Variants in TCN2 observed in about 807,000 individuals in gnomAD.
The protein encoded by TCN2 is transcobalamin-2.
Under a neutral mutation model 48.6 loss-of-function variants are expected in TCN2, and 34 were observed. The ratio of observed to expected loss-of-function variants is 0.70; its 90% confidence interval spans 0.53 to 0.93. The LOEUF is 0.93. TCN2 is among the 40% of genes least tolerant of loss of function. The pLI is 0.00. For synonymous variants in TCN2, 283 were observed against 212.5 expected (o/e 1.33, Z -2.89); for missense variants, 652 against 526.1 (o/e 1.24, Z -2.34).
intron 7 of TCN2, chr22:30,617,856 C>T (rs1179481194): frequency 2.8e-6 from 1 of 353,308 alleles, no homozygotes; most frequent in South Asian, 2.6e-5. Context: ...GTGGCATGTG[C>T]TTTTTATATG....
At chr22:30,622,313 C>T (rs920848492) in intron 7 of TCN2, among the ~76,000 whole-genome samples, 3 of 152,206 alleles carry the variant, frequency 2.0e-5, no homozygotes, top group African/African-American at 4.8e-5. Flanking sequence ...TAAGAGGCTT[C>T]CTGTGGCAGT....
At chr22:30,626,354 T>C in intron 8 of TCN2, 106 bp from the exon 9 acceptor site, 1 of 1,222,482 alleles carries the variant, frequency 8.2e-7, no homozygotes, top group Non-Finnish European at 1.2e-6. Context: ...AAGCCCCAGG[T>C]GGATTCTTAC....
chr22:30,610,204 T>C (rs1391277279), intron 1 of TCN2: 1 of 471,092 alleles, frequency 2.1e-6, no homozygotes, highest in Admixed American at 2.3e-5. Flanking sequence ...AGAGCTCATC[T>C]CACAATCTCA....
chr22:30,617,614 C>T (rs1188446485), intron 7 of TCN2, 119 bp downstream of exon 7: 10 of 1,295,110 alleles, frequency 7.7e-6, no homozygotes, highest in Non-Finnish European at 1.1e-5. Flanking sequence ...GGCCCTGCTT[C>T]TGCTTCTACC....
At chr22:30,607,464 A>G (rs1602039428) in intron 1 of TCN2, 69 bp downstream of exon 1, 2 of 1,573,952 alleles carry the variant, frequency 1.3e-6, no homozygotes, top group Middle Eastern at 1.7e-4. Flanking sequence ...AGGGCATAGG[A>G]TGAGGGAACT....
At position 30,626,541 on chromosome 22, in the gene TCN2, C is replaced by A; in HGVS notation, c.*20C>A. ...TGGTAGCCCCTGAGCTCCCTCATCC[C>A]AGCAGCCTCGCACACTCCCTAGGCT... On this transcript the variant is annotated 3_prime_UTR_variant, in exon 9 of 9. Transcript: ENST00000215838. 1.2e-6 allele frequency: 2 copies of A among 1,613,806 alleles called. No homozygotes were observed. The highest frequency in any genetic ancestry group is 2.2e-5 in the South Asian group (2 of 91,064).
intron 3 of TCN2, among the ~76,000 whole-genome samples, chr22:30,613,570 C>T (rs187224311): frequency 1.9e-4 from 29 of 152,276 alleles, no homozygotes; most frequent in African/African-American, 4.6e-4. Context: ...TGAGCCACTG[C>T]GTTAGGCCCA....
intron 2 of TCN2, among the ~76,000 whole-genome samples, chr22:30,611,459 A>G (rs1487456007): frequency 6.6e-6 from 1 of 152,164 alleles, no homozygotes; most frequent in African/African-American, 2.4e-5. Context: ...CCTCCCATGC[A>G]TGAGGCAGAC....
chr22:30,626,973 T>C lies in TCN2; in HGVS notation c.*452T>C. On this transcript the variant is annotated 3_prime_UTR_variant, in exon 9 of 9. Transcript: ENST00000215838. ...TGTTAGAGTGGCAGCTCCGAGCTGG[T>C]TGTGGCACAGTAGCTGGGGAGACCT... 1 of 262,444 alleles carries C rather than the reference T, an allele frequency of 3.8e-6. No homozygotes were observed. Among genetic ancestry groups the C allele is most frequent in the Non-Finnish European group, 7.6e-6 (1 of 132,072 alleles). 16.3% of individuals were successfully genotyped at this position (262,444 alleles called of 1,614,324 possible).
At chr22:30,618,568 T>G (rs1318904325) in intron 7 of TCN2, among the ~76,000 whole-genome samples, 1 of 152,140 alleles carries the variant, frequency 6.6e-6, no homozygotes, top group Non-Finnish European at 1.5e-5. Context: ...GCCAGCTGGT[T>G]TCTAACTCCT....
rs757089476 is a variant in TCN2 at position 30,626,543 on chromosome 22, G to A, written c.*22G>A. 6.2e-6 allele frequency: 10 copies of A among 1,613,556 alleles called. No homozygotes were observed. Among genetic ancestry groups the A allele is most frequent in the Non-Finnish European group, 8.5e-6 (10 of 1,179,880 alleles). On this transcript the variant is annotated 3_prime_UTR_variant, in exon 9 of 9. Transcript: ENST00000215838. ...GTAGCCCCTGAGCTCCCTCATCCCA[G>A]CAGCCTCGCACACTCCCTAGGCTTC...
At chr22:30,613,104 T>G in intron 3 of TCN2, 62 bp downstream of exon 3, 2 of 1,589,516 alleles carry the variant, frequency 1.3e-6, no homozygotes, top group Non-Finnish European at 1.7e-6. Context: ...GATGATATTC[T>G]CCAATGAGAA....
chr22:30,610,806 G>T, intron 1 of TCN2, 65 bp from the exon 2 acceptor site: 1 of 1,584,418 alleles, frequency 6.3e-7, no homozygotes, highest in Non-Finnish European at 8.7e-7. Flanking sequence ...CCCTGGTAAC[G>T]TCAAAGCACT....
intron 7 of TCN2, among the ~76,000 whole-genome samples, 200 bp from the exon 8 acceptor site, chr22:30,622,768 G>C (rs749008720): frequency 2.6e-5 from 4 of 152,172 alleles, no homozygotes; most frequent in Non-Finnish European, 4.4e-5. Context: ...GATGAAGCCT[G>C]AGCAGGCAGG....
At chr22:30,615,166 A>T (rs181931562) in intron 4 of TCN2, 135 bp from the exon 5 acceptor site, 1 of 891,214 alleles carries the variant, frequency 1.1e-6, no homozygotes, top group Admixed American at 1.9e-5. Flanking sequence ...CCCTTAGCTG[A>T]TCTGACCATG....
At chr22:30,626,396 G>T in intron 8 of TCN2, 64 bp from the exon 9 acceptor site, 2 of 1,558,338 alleles carry the variant, frequency 1.3e-6, no homozygotes, top group Non-Finnish European at 1.8e-6. Context: ...GGGTCTGGAA[G>T]ATGAGGTTGC....
chr22:30,617,276 A>T, intron 6 of TCN2, 54 bp from the exon 7 acceptor site: 1 of 1,612,498 alleles, frequency 6.2e-7, no homozygotes, highest in Non-Finnish European at 8.5e-7. Flanking sequence ...GAAGACAAAT[A>T]ATCCAGGCTC....
At chr22:30,621,814 C>T (rs2087704371) in intron 7 of TCN2, among the ~76,000 whole-genome samples, 1 of 152,056 alleles carries the variant, frequency 6.6e-6, no homozygotes, top group South Asian at 2.1e-4. Flanking sequence ...ACCATTCCCC[C>T]AAATTCTGTG....
In TCN2 at chr22:30,614,341, C is replaced by T. The variant is rs1412501560; in HGVS notation, c.428-8C>T. 4.3e-6 allele frequency: 7 copies of T among 1,613,796 alleles called. No homozygotes were observed. Among genetic ancestry groups the T allele is most frequent in the Middle Eastern group, 1.6e-4 (1 of 6,084 alleles). ...GAGAGGCAACCCCTCTGTTTTTTTC[C>T]CTCTCAGGGCATGATCACAAGGGCC... On this transcript the variant is annotated splice_region_variant and splice_polypyrimidine_tract_variant and intron_variant, in intron 3 of 8. Coordinates refer to ENST00000215838, the MANE Select transcript of TCN2 (RefSeq NM_000355.4).
Sources: allele counts gnomAD v4.1 joint callset (sites outside exome capture counted in the v4.1 genomes callset), GRCh38; gene constraint gnomAD v4.1.1; transcripts MANE v1.5; gene names NCBI Gene and HGNC (gene_info 2026-07-23, HGNC 2026-07-21).